The following MBNL2 variants were observed in gnomAD, a reference collection of about 807,000 sequenced individuals.
MBNL2 encodes the protein muscleblind like splicing regulator 2.
A neutral mutation model predicts 41.9 loss-of-function variants in MBNL2; 17 were observed. The ratio of observed to expected loss-of-function variants is 0.41; its 90% CI spans 0.28 to 0.61. The LOEUF is 0.61. Among genes scored for constraint, MBNL2 ranks in the 20% least tolerant of loss-of-function variants. MBNL2 has a pLI of 0.35. For missense variants in MBNL2, 336 were observed against 505.6 expected (o/e 0.66, Z 3.22); for synonymous variants, 195 against 182.9 (o/e 1.07, Z -0.53).
At chr13:97,209,811 T>C in the MBNL2 span, among the ~76,000 whole-genome samples, 1 of 152,210 alleles carries the variant, frequency 6.6e-6, no homozygotes, top group African/African-American at 2.4e-5. Flanking sequence ...TTTTTAACTT[T>C]TTGAGGCAAG....
chr13:97,232,949 A>C (rs935950608), intron 1 of MBNL2, among the ~76,000 whole-genome samples: 1 of 150,508 alleles, frequency 6.6e-6, no homozygotes, highest in African/African-American at 2.5e-5. Context: ...TAGACACCTT[A>C]AATAGATACC....
At chr13:97,385,712 C>T (rs1282248197) in intron 8 of MBNL2, among the ~76,000 whole-genome samples, 1 of 152,178 alleles carries the variant, frequency 6.6e-6, no homozygotes, top group Non-Finnish European at 1.5e-5. Context: ...TACATACGTA[C>T]AATTCCTGGA....
chr13:97,283,036 T>A (rs1320692952), intron 2 of MBNL2, among the ~76,000 whole-genome samples: 1 of 152,160 alleles, frequency 6.6e-6, no homozygotes, highest in Non-Finnish European at 1.5e-5. Flanking sequence ...TCCTTTAACA[T>A]CTCCGTTTCA....
chr13:97,189,604 A>G, the MBNL2 span, among the ~76,000 whole-genome samples: 2 of 152,230 alleles, frequency 1.3e-5, no homozygotes, highest in African/African-American at 4.8e-5. Context: ...GTATATATGC[A>G]TGCACACATG....
At chr13:97,306,578 G>T (rs1020453771) in intron 2 of MBNL2, among the ~76,000 whole-genome samples, 3 of 152,226 alleles carry the variant, frequency 2.0e-5, no homozygotes, top group Non-Finnish European at 4.4e-5. Context: ...TGGAGAGGCT[G>T]GGACTGGACC....
chr13:97,219,335 C>T (rs2040668474), upstream of MBNL2, among the ~76,000 whole-genome samples: 1 of 152,204 alleles, frequency 6.6e-6, no homozygotes, highest in African/African-American at 2.4e-5. Context: ...CTACATGGCA[C>T]AGAGCCTCAT....
intron 7 of MBNL2, 59 bp from the exon 8 acceptor site, chr13:97,365,077 C>G: frequency 9.1e-7 from 1 of 1,103,482 alleles, no homozygotes; most frequent in Non-Finnish European, 1.4e-6. Flanking sequence ...TAACTCTAAA[C>G]CGCTAACCTG....
intron 8 of MBNL2, among the ~76,000 whole-genome samples, chr13:97,388,864 A>G (rs1345959738): frequency 2.5e-4 from 38 of 152,204 alleles, no homozygotes; most frequent in Admixed American, 2.5e-3. Flanking sequence ...CAAAAATGGA[A>G]CCTATAAGGA....
intron 8 of MBNL2, among the ~76,000 whole-genome samples, chr13:97,386,874 G>T (rs1406027363): frequency 1.3e-5 from 2 of 151,974 alleles, no homozygotes; most frequent in Non-Finnish European, 2.9e-5. Flanking sequence ...ATTGTAGCCA[G>T]CTGATATTTT....
At chr13:97,175,150 G>A in the MBNL2 span, among the ~76,000 whole-genome samples, 1 of 152,104 alleles carries the variant, frequency 6.6e-6, no homozygotes, top group African/African-American at 2.4e-5. Flanking sequence ...GGAAGTCTCA[G>A]GGACTTCCCA....
intron 2 of MBNL2, among the ~76,000 whole-genome samples, chr13:97,287,904 C>T (rs1330014934): frequency 6.9e-6 from 1 of 144,586 alleles, no homozygotes; most frequent in Non-Finnish European, 1.5e-5. Context: ...GCCACCAGGC[C>T]CGGCTAATTT....
In MBNL2 at chr13:97,347,087, G is replaced by A. The variant is rs781006923; in HGVS notation, c.804+20G>A. The A allele has an allele frequency of 1.3e-4, 195 of 1,514,938 alleles. No individual in the cohort carries two copies. The highest frequency in any genetic ancestry group is 1.6e-4 in the Non-Finnish European group (184 of 1,133,866). 93.8% of individuals were successfully genotyped at this position (1,514,938 alleles called of 1,614,324 possible). A position where few individuals can be genotyped will look rare whatever the true frequency, so the allele number is the denominator to read the frequency against. On this transcript the variant is annotated intron_variant, in intron 5 of 8. Coordinates refer to ENST00000679496, the MANE Select transcript of MBNL2 (RefSeq NM_001382683.1). ...GTCATGGTAAGTGCGGCCGCCCGCC[G>A]CCCCTGCACCCCGGCGCCTCTGCGG... is the stretch of plus-strand genomic sequence containing the variant.
intron 8 of MBNL2, among the ~76,000 whole-genome samples, chr13:97,374,582 C>T (rs1165743707): frequency 6.6e-6 from 1 of 151,796 alleles, no homozygotes; most frequent in Non-Finnish European, 1.5e-5. Context: ...TTAGTAGAGA[C>T]GGGGTTTACC....
At chr13:97,263,433 C>T (rs910940632) in intron 1 of MBNL2, among the ~76,000 whole-genome samples, 8 of 152,112 alleles carry the variant, frequency 5.3e-5, no homozygotes, top group African/African-American at 1.9e-4. Flanking sequence ...CAGACAAAGC[C>T]CCTATGTCAC....
the MBNL2 span, among the ~76,000 whole-genome samples, chr13:97,149,939 A>AC: frequency 3.7e-4 from 56 of 152,216 alleles, no homozygotes; most frequent in African/African-American, 1.1e-3. Flanking sequence ...GGCCTAAAAC[A>AC]CCCCCCTATA....
At chr13:97,328,335 C>A (rs2060087877) in intron 2 of MBNL2, among the ~76,000 whole-genome samples, 1 of 152,204 alleles carries the variant, frequency 6.6e-6, no homozygotes, top group African/African-American at 2.4e-5. Context: ...AGAGGCTCTT[C>A]CATGATTTTC....
intron 2 of MBNL2, among the ~76,000 whole-genome samples, chr13:97,299,424 C>A (rs1399985727): frequency 6.6e-6 from 1 of 151,990 alleles, no homozygotes; most frequent in African/African-American, 2.4e-5. Flanking sequence ...TTGATGTAGG[C>A]TTTTTGGAGC....
chr13:97,264,831 GT>G (rs1310103624), intron 1 of MBNL2, among the ~76,000 whole-genome samples: 2 of 152,236 alleles, frequency 1.3e-5, no homozygotes, highest in African/African-American at 4.8e-5. Context: ...GGAAATGGAA[GT>G]TCTAACAAAG....
chr13:97,169,007 TG>T, the MBNL2 span, among the ~76,000 whole-genome samples: 1 of 152,142 alleles, frequency 6.6e-6, no homozygotes, highest in African/African-American at 2.4e-5. Flanking sequence ...AGCCTAGACC[TG>T]CAGCTGTGTC....
Sources: gnomAD v4.1 joint callset for allele counts (sites outside exome capture counted in the v4.1 genomes callset) on GRCh38, gnomAD v4.1.1 for gene constraint, MANE v1.5 for transcripts, NCBI Gene and HGNC (gene_info 2026-07-23, HGNC 2026-07-21) for gene names.